Variants in LDLRAD4 observed in about 807,000 individuals in gnomAD.
LDLRAD4 encodes the protein low density lipoprotein receptor class A domain containing 4, also known as low-density lipoprotein receptor class A domain-containing protein 4.
A neutral mutation model predicts 17.0 loss-of-function variants in LDLRAD4; 5 were observed. The observed-to-expected ratio is 0.29, with a 90% CI of 0.15 to 0.62. The LOEUF is 0.62. Ranked by LOEUF, LDLRAD4 falls within the 20% of genes least tolerant of loss-of-function variation. The pLI is 0.84. For synonymous variants in LDLRAD4, 168 were observed against 171.8 expected, an observed-to-expected ratio of 0.98 and a Z score of 0.17; for missense variants, 340 against 424.7, an observed-to-expected ratio of 0.80 and a Z score of 1.75.
intron 3 of LDLRAD4, among the ~76,000 whole-genome samples, chr18:13,573,632 T>G (rs1568357425): frequency 6.6e-6 from 1 of 152,242 alleles, no homozygotes; most frequent in Non-Finnish European, 1.5e-5. Context: ...GCTCACATTA[T>G]AGGTGACAGG....
At position 13,548,940 on chromosome 18, in the gene LDLRAD4, C is replaced by G. The variant is rs947855064; in HGVS notation, c.182-72177C>G. Among the ~76,000 whole-genome samples, 27 of 152,226 alleles carry G rather than the reference C, an allele frequency of 1.8e-4. 1 individual carries two copies. Among genetic ancestry groups the G allele is most frequent in the Admixed American group, 1.6e-3 (25 of 15,302 alleles). On this transcript the variant is annotated intron_variant, in intron 3 of 5. Transcript: ENST00000359446. The stretch of plus-strand genomic sequence containing the variant: ...GCAAGGAATACTTTTTTCATTTTAC[C>G]ATCTCAAGATGGGGAATCTATTAAT...
rs543638698 is a variant in LDLRAD4 at position 13,423,538 on chromosome 18, C to T, written c.41-14706C>T. ...GAAGAACCCCATTTACTACATTTCT[C>T]ACTGTGCTGTGTCTTGAGCATCTTC... On this transcript the variant is annotated intron_variant, in intron 2 of 5. Transcript: ENST00000359446. The T allele has an allele frequency of 2.0e-5, 3 of 152,462 alleles. No individual in the cohort carries two copies. In the East Asian group the frequency reaches 5.8e-4, roughly 30 times the overall value. The allele number at this position is 152,462 out of a possible 1,614,324, so 9.4% of individuals were successfully genotyped here.
intron 3 of LDLRAD4, among the ~76,000 whole-genome samples, chr18:13,606,287 C>T (rs2095223781): frequency 6.6e-6 from 1 of 152,164 alleles, no homozygotes; most frequent in South Asian, 2.1e-4. Context: ...AAAATCTATA[C>T]CACCATAAAT....
At chr18:13,341,555 T>G (rs2144067643) in intron 1 of LDLRAD4, among the ~76,000 whole-genome samples, 1 of 152,290 alleles carries the variant, frequency 6.6e-6, no homozygotes, top group Non-Finnish European at 1.5e-5. Flanking sequence ...ATAATGCAGC[T>G]GATACTTGCA....
chr18:13,552,545 C>T (rs1339959758), intron 3 of LDLRAD4, among the ~76,000 whole-genome samples: 3 of 152,200 alleles, frequency 2.0e-5, no homozygotes, highest in Non-Finnish European at 4.4e-5. Context: ...CCCTGGCCTC[C>T]TCTCTGGTTG....
At position 13,645,510 on chromosome 18, in the gene LDLRAD4, G is replaced by A. The variant is rs1267763333; in HGVS notation, c.774G>A (p.Val258=). Reference sequence around the variant, plus strand: ...GGCCACCCCCCACATACAGCGAGGTGATGGGCCACCACCCAGGCGCCTCTT... The same window carrying A: ...GGCCACCCCCCACATACAGCGAGGTAATGGGCCACCACCCAGGCGCCTCTT... The change falls in exon 6 of 6, where the codon GTG becomes GTA. Residue 258 remains valine, a synonymous_variant. Coordinates refer to ENST00000359446, the Ensembl canonical transcript of LDLRAD4. This position sits in a 1 kb window ranked among gnomAD's most constrained non-coding sequence, Gnocchi z 5.7. The A allele has an allele frequency of 6.2e-7, 1 of 1,610,804 alleles. No individual in the cohort carries two copies. The highest frequency in any genetic ancestry group is 1.7e-5 in the Admixed American group (1 of 59,636).
chr18:13,429,910 T>A (rs1468732192), intron 2 of LDLRAD4, among the ~76,000 whole-genome samples: 1 of 152,232 alleles, frequency 6.6e-6, no homozygotes, highest in Non-Finnish European at 1.5e-5. Context: ...GATAAAGAGT[T>A]GCCTGAGGAT....
chr18:13,295,205 T>C (rs1373801038), intron 1 of LDLRAD4, among the ~76,000 whole-genome samples: 1 of 152,230 alleles, frequency 6.6e-6, no homozygotes, highest in Non-Finnish European at 1.5e-5. Flanking sequence ...TCTGTCTTGC[T>C]TGGAATTTCC....
chr18:13,364,718 G>A (rs553363320), intron 1 of LDLRAD4, among the ~76,000 whole-genome samples: 8 of 152,236 alleles, frequency 5.3e-5, no homozygotes, highest in African/African-American at 1.4e-4. Context: ...CTCAGTGGAC[G>A]CACTTTGTTC....
At chr18:13,468,103 A>G (rs978122221) in intron 3 of LDLRAD4, among the ~76,000 whole-genome samples, 16 of 151,688 alleles carry the variant, frequency 1.1e-4, no homozygotes, top group African/African-American at 3.9e-4. Context: ...TATAACACCC[A>G]AAGTATGAAC....
chr18:13,339,778 T>C (rs2082278728), intron 1 of LDLRAD4, among the ~76,000 whole-genome samples: 1 of 152,218 alleles, frequency 6.6e-6, no homozygotes, highest in East Asian at 1.9e-4. Context: ...CTTATTGTAG[T>C]AAAATATATA....
rs1323595961 is a variant in LDLRAD4, at chr18:13,396,857, T to C, written c.40+9095T>C. Reference sequence around the variant, plus strand: ...GTCTGCAGTTAGTTGAATCTGCAAATGTAGAAACTGTGGATACAGAGGGCT... The same window carrying C: ...GTCTGCAGTTAGTTGAATCTGCAAACGTAGAAACTGTGGATACAGAGGGCT... On this transcript the variant is annotated intron_variant, in intron 2 of 5. Coordinates refer to ENST00000359446, the Ensembl canonical transcript of LDLRAD4. Among the ~76,000 whole-genome samples, 3 of 152,248 alleles carry C rather than the reference T, an allele frequency of 2.0e-5. No individual in the cohort carries two copies. The South Asian group carries it at 6.2e-4, about 31-fold the overall frequency.
chr18:13,517,905 A>AT (rs1435653506), intron 3 of LDLRAD4, among the ~76,000 whole-genome samples: 1 of 151,872 alleles, frequency 6.6e-6, no homozygotes, highest in African/African-American at 2.4e-5. Flanking sequence ...CGCCTGGCTA[A>AT]TTTTTTATAT....
At chr18:13,336,124 C>G (rs1327687709) in intron 1 of LDLRAD4, among the ~76,000 whole-genome samples, 2 of 152,134 alleles carry the variant, frequency 1.3e-5, no homozygotes, top group African/African-American at 4.8e-5. Context: ...ACTCTTTTAA[C>G]AGCCGGCTCC....
chr18:13,294,856 G>GT (rs1436969700), intron 1 of LDLRAD4, among the ~76,000 whole-genome samples: 10 of 151,590 alleles, frequency 6.6e-5, no homozygotes, highest in Non-Finnish European at 8.8e-5. Flanking sequence ...TTTTTAGCTT[G>GT]TTTTTTATGT....
intron 3 of LDLRAD4, chr18:13,612,120 AG>A: frequency 1.0e-6 from 1 of 985,718 alleles, no homozygotes; most frequent in Non-Finnish European, 1.2e-6. Flanking sequence ...GATCAAGGGA[AG>A]GAGTATTGTG....
intron 1 of LDLRAD4, among the ~76,000 whole-genome samples, chr18:13,310,119 C>T (rs921649658): frequency 1.7e-4 from 25 of 149,402 alleles, no homozygotes; most frequent in African/African-American, 1.7e-4. Context: ...GTTGGGGGAT[C>T]GGATTGCTTG....
chr18:13,643,161 C>T (rs1393943875), intron 4 of LDLRAD4, among the ~76,000 whole-genome samples, 198 bp from the exon 6 acceptor site: 1 of 152,016 alleles, frequency 6.6e-6, no homozygotes, highest in African/African-American at 2.4e-5. Flanking sequence ...GTCTCGAACT[C>T]CTGACCTCGT....
upstream of LDLRAD4, chr18:13,218,741 A>C (rs1381998289): frequency 6.6e-6 from 1 of 152,208 alleles, no homozygotes; most frequent in Non-Finnish European, 1.5e-5. Flanking sequence ...AGCTCCCGGC[A>C]TTGGCTGGGA....
Sources: gnomAD v4.1 joint callset for allele counts (sites outside exome capture counted in the v4.1 genomes callset) on GRCh38, gnomAD v4.1.1 for gene constraint, Gnocchi (gnomAD v3.1) non-coding constraint, MANE v1.5 for transcripts, NCBI Gene and HGNC (gene_info 2026-07-23, HGNC 2026-07-21) for gene names.